Variants in SERHL2 observed in about 807,000 individuals in gnomAD.
SERHL2 encodes the protein serine hydrolase like 2.
SERHL2 carries 29 observed loss-of-function variants against 25.5 expected under a neutral mutation model. That is an observed-to-expected ratio of 1.14 (90% CI 0.85 to 1.55). The LOEUF (loss-of-function observed/expected upper bound fraction) is 1.55. Among genes scored for constraint, SERHL2 ranks in the 40% most tolerant of loss-of-function variants. The probability of loss-of-function intolerance (pLI) is 0.00; values close to 1 mark genes in which losing one functional copy is unlikely to be tolerated. For missense variants in SERHL2, 240 were observed against 252.3 expected, an observed-to-expected ratio of 0.95 and a Z score of 0.33; for synonymous variants, 95 against 103.5, an observed-to-expected ratio of 0.92 and a Z score of 0.50.
rs984730605 is a variant in SERHL2 at position 42,572,371 on chromosome 22, T to C, written c.732-65T>C. On this transcript the variant is annotated intron_variant, in intron 10 of 11. Coordinates refer to ENST00000327678, the MANE Select transcript of SERHL2 (RefSeq NM_014509.5). The stretch of plus-strand genomic sequence containing the variant: ...TCAGAGGCCTGAACCCAGGGCAGGA[T>C]GGGGGCACCGCTGGGAGGCGGTTCT... The C allele has an allele frequency of 1.1e-5, 13 of 1,219,504 alleles. No homozygotes were observed. In the African/African-American group the frequency reaches 1.9e-4, roughly 18 times the overall value. The allele number at this position is 1,219,504 out of a possible 1,614,324, so 75.5% of individuals were successfully genotyped here. A position where few individuals can be genotyped will look rare whatever the true frequency, so the allele number is the denominator to read the frequency against.
At chr22:42,563,197 T>TC (rs1428058896) in intron 8 of SERHL2, among the ~76,000 whole-genome samples, 4 of 76,412 alleles carry the variant, frequency 5.2e-5, no homozygotes, top group African/African-American at 1.3e-4. Context: ...TTTCTTTTTT[T>TC]TTTTTTTTGT....
chr22:42,573,867 CCCCGGGG>C, intron 11 of SERHL2, 62 bp from the exon 12 acceptor site: 13 of 1,511,704 alleles, frequency 8.6e-6, no homozygotes, highest in Non-Finnish European at 1.1e-5. Flanking sequence ...AGGGCCCTGA[CCCCGGGG>C]CCCATGGAGC....
rs373497836 is a variant in SERHL2 at position 42,563,550 on chromosome 22, C to T, written c.614-2754C>T. 3.0e-3 allele frequency: 820 copies of T among 272,298 alleles called. 13 individuals carry two copies. The highest frequency in any genetic ancestry group is 6.4e-3 in the Middle Eastern group (15 of 2,358). The allele number at this position is 272,298 out of a possible 1,614,324, so 16.9% of individuals were successfully genotyped here. ...CAAAAATATCTGGCCCCTGAAGCCC[C>T]GTGCTGTGGGGGAGGCTCAAATCTT... is the stretch of plus-strand genomic sequence containing the variant. On this transcript the variant is annotated intron_variant, in intron 8 of 11. Coordinates refer to ENST00000327678, the MANE Select transcript of SERHL2 (RefSeq NM_014509.5).
At chr22:42,563,057 T>TGGTG (rs1922880886) in intron 8 of SERHL2, among the ~76,000 whole-genome samples, 1 of 151,844 alleles carries the variant, frequency 6.6e-6, no homozygotes, top group South Asian at 2.1e-4. Context: ...ATAAACGGCA[T>TGGTG]GGTGGCACAC....
chr22:42,559,454 C>T (rs1922391338), intron 7 of SERHL2, among the ~76,000 whole-genome samples: 1 of 151,478 alleles, frequency 6.6e-6, no homozygotes, highest in East Asian at 1.9e-4. Flanking sequence ...GTAATCCCAG[C>T]ACTTTGGAAG....
rs751859494 is a variant in SERHL2 at position 42,560,224 on chromosome 22, G to A, written c.572G>A (p.Gly191Glu). The A allele has an allele frequency of 4.3e-6, 7 of 1,613,154 alleles. 1 individual carries two copies. Among genetic ancestry groups the A allele is most frequent in the South Asian group, 3.3e-5 (3 of 91,070 alleles). The change falls in exon 8 of 12, where the codon GGG (glycine) becomes GAG (glutamate). Residue 191 changes from glycine (G) to glutamate (E), a missense_variant. Gly to Glu is a moderately conservative substitution (Grantham distance 98). This residue lies in a region of SERHL2 where 212 missense variants were observed against 168.9 expected (regional missense o/e 1.25). Coordinates refer to ENST00000327678, the MANE Select transcript of SERHL2 (RefSeq NM_014509.5). Reference protein sequence around the residue: ...KSNSHLSEECGELLLQRGTTK... With the variant: ...KSNSHLSEECEELLLQRGTTK... The stretch of plus-strand genomic sequence containing the variant: ...AATAGCCACTTGAGTGAGGAGTGCG[G>A]GGAGCTTCTCCTGCAAAGAGGAACC...
intron 8 of SERHL2, among the ~76,000 whole-genome samples, chr22:42,563,874 G>A (rs1923005604): frequency 1.3e-5 from 2 of 151,850 alleles, no homozygotes; most frequent in Non-Finnish European, 2.9e-5. Flanking sequence ...GGGAGTTCGA[G>A]ACCACCCTGA....
intron 9 of SERHL2, chr22:42,569,607 C>T (rs541293671): frequency 1.3e-5 from 2 of 151,858 alleles, no homozygotes; most frequent in Admixed American, 1.3e-4. Flanking sequence ...GCCTGTTCAC[C>T]TTGTGCCCAG....
chr22:42,564,112 G>T (rs1188568449), intron 8 of SERHL2, among the ~76,000 whole-genome samples: 1 of 151,628 alleles, frequency 6.6e-6, no homozygotes, highest in African/African-American at 2.4e-5. Context: ...CTTTTGTATG[G>T]CTTCTGGAAT....
Position 42,563,203 on chromosome 22 carries a change from T to G in SERHL2, c.613+2938T>G, listed in dbSNP as rs947325950. On this transcript the variant is annotated intron_variant, in intron 8 of 11. Transcript: ENST00000327678. ...TTTTCTTTTTTTCTTTTTTTTTTTT[T>G]TTGTTGTTGTTGTTGTTTTCAACAG... is the stretch of plus-strand genomic sequence containing the variant. 2.3e-3 allele frequency among the ~76,000 whole-genome samples: 177 copies of G among 77,108 alleles called. 2 individuals carry two copies. Among genetic ancestry groups the G allele is most frequent in the African/African-American group, 0.016 (127 of 8,012 alleles). The allele number at this position is 77,108 out of a possible 152,430, so 50.6% of individuals were successfully genotyped here. A position where few individuals can be genotyped will look rare whatever the true frequency, so the allele number is the denominator to read the frequency against.
rs762046129 is a variant in SERHL2 at position 42,554,082 on chromosome 22, C to T, written c.22+40C>T. Reference sequence around the variant, plus strand: ...CCTTGTGCGAGCGTCCCACTGCCCACCCACCTGGTTGGGACAGTAGAAGAG... The same window carrying T: ...CCTTGTGCGAGCGTCCCACTGCCCATCCACCTGGTTGGGACAGTAGAAGAG... On this transcript the variant is annotated intron_variant, in intron 1 of 11. Coordinates refer to ENST00000327678, the MANE Select transcript of SERHL2 (RefSeq NM_014509.5). 5.6e-6 allele frequency: 9 copies of T among 1,607,290 alleles called. No homozygotes were observed. The East Asian group carries it at 2.0e-4, about 36-fold the overall frequency.
At chr22:42,559,104 CG>C (rs1569274253) in intron 7 of SERHL2, among the ~76,000 whole-genome samples, 1 of 96,094 alleles carries the variant, frequency 1.0e-5, no homozygotes, top group Non-Finnish European at 1.9e-5. Context: ...AATCGAAACA[CG>C]GGACACAGGC....
rs1291414151 is a variant in SERHL2 at position 42,571,039 on chromosome 22, C to G, written c.649-82C>G. The G allele has an allele frequency of 5.4e-5, 86 of 1,598,222 alleles. 1 individual carries two copies. Among genetic ancestry groups the G allele is most frequent in the Middle Eastern group, 1.9e-4 (1 of 5,136 alleles). ...CTAAGGTGCCCTCGCCAGGACTTAG[C>G]CACCCCAACAGAGATGGGTTTCGTG... On this transcript the variant is annotated intron_variant, in intron 9 of 11. Transcript: ENST00000327678.
chr22:42,556,503 C>T lies in SERHL2; in HGVS notation c.349-11C>T, dbSNP rs1437156505. Reference sequence around the variant, plus strand: ...CCCCCTATTCATTCTCCCCTTTTGGCATCCTCACAGTTTTTCTGTACCTTC... The same window carrying T: ...CCCCCTATTCATTCTCCCCTTTTGGTATCCTCACAGTTTTTCTGTACCTTC... On this transcript the variant is annotated splice_polypyrimidine_tract_variant and intron_variant, in intron 5 of 11. Coordinates refer to ENST00000327678, the MANE Select transcript of SERHL2 (RefSeq NM_014509.5). 1.2e-5 allele frequency: 20 copies of T among 1,613,284 alleles called. No homozygotes were observed. The Middle Eastern group carries it at 8.3e-4, about 67-fold the overall frequency.
chr22:42,564,667 G>C (rs1460026849), intron 8 of SERHL2, among the ~76,000 whole-genome samples: 1 of 151,874 alleles, frequency 6.6e-6, no homozygotes, highest in African/African-American at 2.4e-5. Flanking sequence ...CTGACCTCAG[G>C]TGATCCACCT....
chr22:42,567,435 C>CCAAGGT (rs1383048214), intron 9 of SERHL2, among the ~76,000 whole-genome samples: 1 of 151,686 alleles, frequency 6.6e-6, no homozygotes, highest in African/African-American at 2.4e-5. Flanking sequence ...GAGGCCGAGG[C>CCAAGGT]GGGTGGATCA....
intron 8 of SERHL2, among the ~76,000 whole-genome samples, chr22:42,565,696 C>A (rs186637281): frequency 1.4e-4 from 22 of 151,790 alleles, no homozygotes; most frequent in African/African-American, 5.1e-4. Context: ...TCAAGTGATC[C>A]TCCCACTTCG....
intron 10 of SERHL2, 156 bp downstream of exon 10, chr22:42,571,359 G>A (rs1240120523): frequency 1.1e-5 from 16 of 1,464,364 alleles, no homozygotes; most frequent in Middle Eastern, 2.4e-4. Flanking sequence ...CTGGCAGCAG[G>A]GTCATGGAAG....
intron 7 of SERHL2, among the ~76,000 whole-genome samples, chr22:42,559,053 A>G (rs1314360731): frequency 2.6e-4 from 16 of 60,744 alleles, no homozygotes; most frequent in African/African-American, 7.4e-4. Flanking sequence ...ACGCACGCGC[A>G]CACACACCCA....
Sources: gnomAD v4.1 joint callset for allele counts (sites outside exome capture counted in the v4.1 genomes callset) on GRCh38, gnomAD v4.1.1 for gene constraint, gnomAD v4.1.1 regional missense constraint, MANE v1.5 for transcripts, NCBI Gene and HGNC (gene_info 2026-07-23, HGNC 2026-07-21) for gene names.